SLC30A5: variants seen among roughly 807,000 people sequenced by gnomAD.
The protein encoded by SLC30A5 is proton-coupled zinc antiporter SLC30A5.
Under a neutral mutation model 79.6 loss-of-function variants are expected in SLC30A5, and 33 were observed. That is an observed-to-expected ratio of 0.41 (90% confidence interval 0.31 to 0.55). SLC30A5 has a LOEUF of 0.55. Ranked by LOEUF, SLC30A5 falls within the 20% of genes least tolerant of loss-of-function variation. The pLI, the probability that SLC30A5 is intolerant of heterozygous loss-of-function variation, is 0.20. For missense variants in SLC30A5, 788 were observed against 928.1 expected (o/e 0.85, Z 1.96); for synonymous variants, 299 against 319.7 (o/e 0.94, Z 0.69).
In SLC30A5 at chr5:69,108,398, A is replaced by AG; in HGVS notation, c.410dup (p.Ser137ArgfsTer31). The AG allele has an allele frequency of 6.2e-7, 1 of 1,613,908 alleles. No homozygotes were observed. The highest frequency in any genetic ancestry group is 8.5e-7 in the Non-Finnish European group (1 of 1,179,910). On this transcript the variant is annotated frameshift_variant, in exon 5 of 16. Transcript: ENST00000396591. LOFTEE classifies it high-confidence loss of function. ...TGATATTGTTGTCATTTCACTACTC[A>AG]GTGTTTTGTTCACCAGTTCTGGAGG... is the stretch of plus-strand genomic sequence containing the variant.
intron 6 of SLC30A5, among the ~76,000 whole-genome samples, chr5:69,113,490 T>C (rs1746287195): frequency 6.7e-6 from 1 of 148,162 alleles, no homozygotes; most frequent in South Asian, 2.1e-4. Flanking sequence ...TGGAATGTCC[T>C]GGTGCTGGAA....
At chr5:69,100,614 A>T (rs1219219816) in intron 1 of SLC30A5, among the ~76,000 whole-genome samples, 193 bp from the exon 2 acceptor site, 7 of 128 alleles carry the variant, frequency 0.055, no homozygotes, top group East Asian at 0.33. Context: ...CTATGAGTTA[A>T]AAAAAAAAAA....
At chr5:69,113,742 T>C (rs1746293179) in intron 6 of SLC30A5, among the ~76,000 whole-genome samples, 1 of 152,186 alleles carries the variant, frequency 6.6e-6, no homozygotes, top group South Asian at 2.1e-4. Flanking sequence ...CATGCCTTTT[T>C]TTCTATTTTC....
intron 1 of SLC30A5, among the ~76,000 whole-genome samples, chr5:69,098,081 CAAGT>C (rs931667588): frequency 1.3e-5 from 2 of 151,974 alleles, no homozygotes; most frequent in African/African-American, 2.4e-5. Flanking sequence ...CTCCTGGACT[CAAGT>C]AATCATTCTG....
Position 69,129,603 on chromosome 5 carries a change from A to T in SLC30A5, c.2284A>T (p.Thr762Ser). The T allele has an allele frequency of 1.2e-6, 2 of 1,610,932 alleles. No homozygotes were observed. The highest frequency in any genetic ancestry group is 1.1e-5 in the South Asian group (1 of 90,406). Residue 762 changes from threonine to serine, a missense_variant, in exon 16 of 16, where the codon ACT (threonine) becomes TCT (serine). Transcript: ENST00000396591. ...MESMKYCKDG[T>S]YIM ...ATCCATGAAATACTGCAAAGATGGT[A>T]CTTACATCATGTGAGATAACTCAAG...
chr5:69,115,347 T>A lies in SLC30A5; in HGVS notation c.723T>A (p.Ser241=). The change falls in exon 8 of 16, where the codon TCT becomes TCA. Residue 241 remains serine (S), a synonymous_variant. Transcript: ENST00000396591. ...VGGAKRLQAL[S]HLVSVLLLCP... ...GAGCTAAACGTCTTCAAGCTTTATC[T>A]CATCTTGTTTCTGTGCTTCTCTTGT... The A allele has an allele frequency of 3.1e-6, 5 of 1,614,078 alleles. No homozygotes were observed. Among genetic ancestry groups the A allele is most frequent in the Non-Finnish European group, 4.2e-6 (5 of 1,179,980 alleles).
chr5:69,094,904 A>G (rs1436931721), intron 1 of SLC30A5, among the ~76,000 whole-genome samples: 1 of 152,150 alleles, frequency 6.6e-6, no homozygotes, highest in African/African-American at 2.4e-5. Context: ...CAGCAAAGCA[A>G]TTCATAGAGT....
intron 14 of SLC30A5, among the ~76,000 whole-genome samples, chr5:69,125,771 G>A (rs566846387): frequency 1.3e-4 from 7 of 53,300 alleles, no homozygotes; most frequent in Non-Finnish European, 2.7e-4. Context: ...CCTGGGAGGC[G>A]GAGCTTGCAG....
In SLC30A5 at chr5:69,112,222, G is replaced by A. The variant is rs1173067332; in HGVS notation, c.448-918G>A. On this transcript the variant is annotated intron_variant, in intron 5 of 15. Coordinates refer to ENST00000396591, the MANE Select transcript of SLC30A5 (RefSeq NM_022902.5). ...TGAGGCAGGAGAATCACTTGAACCC[G>A]GGAGATGGAGGTTGCAGTGAGCCGA... 6.6e-5 allele frequency among the ~76,000 whole-genome samples: 10 copies of A among 151,970 alleles called. No individual in the cohort carries two copies. The East Asian group carries it at 7.7e-4, about 12-fold the overall frequency.
At chr5:69,115,041 G>T (rs1385991088) in intron 7 of SLC30A5, among the ~76,000 whole-genome samples, 196 bp from the exon 8 acceptor site, 1 of 150,082 alleles carries the variant, frequency 6.7e-6, no homozygotes, top group Non-Finnish European at 1.5e-5. Flanking sequence ...GAGACAGGAG[G>T]ATCTCTTTGA....
At chr5:69,097,990 A>G (rs976096595) in intron 1 of SLC30A5, among the ~76,000 whole-genome samples, 35 of 152,048 alleles carry the variant, frequency 2.3e-4, no homozygotes, top group African/African-American at 8.0e-4. Flanking sequence ...TGGAGACGGG[A>G]GAGGAGAGGA....
chr5:69,129,378 A>G (rs1312739299), intron 15 of SLC30A5, 69 bp from the exon 16 acceptor site: 2 of 1,121,516 alleles, frequency 1.8e-6, no homozygotes, highest in Admixed American at 4.3e-5. Flanking sequence ...AACTATGTAC[A>G]GCATATTAAG....
At chr5:69,117,907 G>A (rs190281775) in intron 11 of SLC30A5, among the ~76,000 whole-genome samples, 1,715 of 149,718 alleles carry the variant, frequency 0.011, 23 homozygotes, top group African/African-American at 0.04. Flanking sequence ...CAGGTGCGGT[G>A]GCTCACGCCT....
chr5:69,119,404 ATGTTT>A lies in SLC30A5; in HGVS notation c.1569+780_1569+784del, dbSNP rs374675159. Among the ~76,000 whole-genome samples the A allele has an allele frequency of 3.3e-3, 505 of 151,908 alleles. 2 individuals are homozygous for A. Among genetic ancestry groups the A allele is most frequent in the African/African-American group, 0.012 (477 of 41,426 alleles). On this transcript the variant is annotated intron_variant, in intron 12 of 15. Transcript: ENST00000396591. ...GATTCCTTTTCTCAGTATTCTCATT[ATGTTT>A]TGTGCATTCTTCTTTTAGCAACATT...
intron 5 of SLC30A5, among the ~76,000 whole-genome samples, chr5:69,109,719 C>A (rs1746181827): frequency 6.6e-6 from 1 of 152,188 alleles, no homozygotes; most frequent in Non-Finnish European, 1.5e-5. Context: ...CAAGTATTAT[C>A]CTTTTGTTAA....
chr5:69,104,345 T>C (rs1746022575), intron 3 of SLC30A5: 4 of 614,636 alleles, frequency 6.5e-6, no homozygotes, highest in Non-Finnish European at 9.3e-6. Flanking sequence ...ATTCACCACA[T>C]TGGCCAGCCT....
intron 14 of SLC30A5, among the ~76,000 whole-genome samples, chr5:69,126,464 AAT>A (rs1213473079): frequency 1.3e-5 from 2 of 152,100 alleles, no homozygotes; most frequent in African/African-American, 2.4e-5. Flanking sequence ...TTTCAATAAT[AAT>A]ATATGTCTGT....
intron 2 of SLC30A5, among the ~76,000 whole-genome samples, chr5:69,101,992 AT>A (rs1290495183): frequency 6.7e-6 from 1 of 150,084 alleles, no homozygotes; most frequent in Admixed American, 6.7e-5. Context: ...TCGAAGTATA[AT>A]TTTGGTAAGT....
In SLC30A5 at chr5:69,123,390, G is replaced by C; in HGVS notation, c.1963G>C (p.Glu655Gln). The C allele has an allele frequency of 6.2e-7, 1 of 1,613,864 alleles. No homozygotes were observed. Among genetic ancestry groups the C allele is most frequent in the Non-Finnish European group, 8.5e-7 (1 of 1,179,896 alleles). Residue 655 changes from glutamate (E) to glutamine (Q), a missense_variant, in exon 14 of 16, where the codon GAA (glutamate) becomes CAA (glutamine). Physicochemically the swap from Glu to Gln is conservative, Grantham distance 29 (BLOSUM62 2). Coordinates refer to ENST00000396591, the MANE Select transcript of SLC30A5 (RefSeq NM_022902.5). Reference protein sequence around the residue: ...CQVLLLRLPPEYEKELHIALE... With the variant: ...CQVLLLRLPPQYEKELHIALE... Reference sequence around the variant, plus strand: ...GGTTCTACTCCTGAGATTGCCACCAGAATATGAAAAAGAACTACATATTGC... The same window carrying C: ...GGTTCTACTCCTGAGATTGCCACCACAATATGAAAAAGAACTACATATTGC...
Sources: gnomAD v4.1 joint callset for allele counts (sites outside exome capture counted in the v4.1 genomes callset) on GRCh38, gnomAD v4.1.1 for gene constraint, MANE v1.5 for transcripts, NCBI Gene and HGNC (gene_info 2026-07-23, HGNC 2026-07-21) for gene names.